The following ZNF385D variants were observed in gnomAD, a reference collection of about 807,000 sequenced individuals.
ZNF385D encodes the protein zinc finger protein 659.
A neutral mutation model predicts 35.8 loss-of-function variants in ZNF385D; 15 were observed. That is an observed-to-expected ratio of 0.42 (90% CI 0.28 to 0.64). ZNF385D has a LOEUF of 0.64. Among genes scored for constraint, ZNF385D ranks in the 30% least tolerant of loss-of-function variants. The pLI is 0.23. For missense variants in ZNF385D, 474 were observed against 494.6 expected (o/e 0.96, Z 0.39); for synonymous variants, 212 against 186.8 (o/e 1.13, Z -1.10).
intron 3 of ZNF385D, among the ~76,000 whole-genome samples, chr3:22,118,383 A>G (rs1049707400): frequency 3.3e-5 from 5 of 152,102 alleles, no homozygotes; most frequent in African/African-American, 1.2e-4. Context: ...AAATATAAAT[A>G]TAAGTAGAAA....
chr3:21,799,413 T>C (rs540040996), intron 3 of ZNF385D, among the ~76,000 whole-genome samples: 8 of 152,302 alleles, frequency 5.3e-5, no homozygotes, highest in Admixed American at 5.2e-4. Flanking sequence ...TTTCTCTACA[T>C]CCTCATTAAC....
chr3:21,902,885 G>A (rs1192036630), intron 3 of ZNF385D, among the ~76,000 whole-genome samples: 7 of 152,110 alleles, frequency 4.6e-5, no homozygotes, highest in Admixed American at 4.6e-4. Flanking sequence ...TTTAGTAGGA[G>A]TAACTGGCTG....
chr3:22,120,054 T>C (rs1226848276), intron 3 of ZNF385D, among the ~76,000 whole-genome samples: 1 of 151,270 alleles, frequency 6.6e-6, no homozygotes, highest in Non-Finnish European at 1.5e-5. Flanking sequence ...AGTCTTGAAG[T>C]CCTAGTCTCA....
intron 3 of ZNF385D, among the ~76,000 whole-genome samples, chr3:22,015,972 C>A (rs1190336015): frequency 2.0e-5 from 3 of 152,068 alleles, no homozygotes; most frequent in South Asian, 2.1e-4. Flanking sequence ...CTTTTGGGTA[C>A]AAACCAAAAG....
Position 22,168,950 on chromosome 3 carries a change from A to T in ZNF385D, c.192T>A (p.His64Gln), listed in dbSNP as rs569772625. The T allele has an allele frequency of 3.0e-6, 3 of 985,790 alleles. No homozygotes were observed. The South Asian group carries it at 1.4e-4, about 46-fold the overall frequency. The allele number at this position is 985,790 out of a possible 1,614,324, so 61.1% of individuals were successfully genotyped here. Residue 64 changes from histidine to glutamine, a missense_variant, in exon 3 of 6, where the codon CAT becomes CAA. Coordinates refer to the ZNF385D transcript ENST00000494108. ...ATACATTGCACAAAGTAAAGTTGGT[A>T]TGTTTCTTTTCTCTTTCTGGTTTTT...
chr3:22,078,488 A>G (rs1420877471), intron 3 of ZNF385D, among the ~76,000 whole-genome samples: 2 of 152,096 alleles, frequency 1.3e-5, no homozygotes, highest in South Asian at 4.1e-4. Context: ...AGGATATGGT[A>G]TTGAGACATT....
chr3:22,162,827 C>A (rs1432233231), intron 3 of ZNF385D, among the ~76,000 whole-genome samples: 1 of 152,114 alleles, frequency 6.6e-6, no homozygotes, highest in African/African-American at 2.4e-5. Flanking sequence ...GATGAACCTT[C>A]AGAGAGAGAG....
At chr3:22,184,412 C>G (rs766628226) in intron 2 of ZNF385D, among the ~76,000 whole-genome samples, 4 of 152,146 alleles carry the variant, frequency 2.6e-5, no homozygotes, top group African/African-American at 7.2e-5. Flanking sequence ...ATTTTCCTCT[C>G]ATTGTGGCAG....
intron 3 of ZNF385D, among the ~76,000 whole-genome samples, chr3:22,153,971 A>G (rs1351973444): frequency 1.3e-5 from 2 of 152,126 alleles, no homozygotes; most frequent in African/African-American, 4.8e-5. Context: ...ACATGTTCCC[A>G]TTTAGATAAC....
chr3:22,111,721 C>G (rs1702547016), intron 3 of ZNF385D, among the ~76,000 whole-genome samples: 1 of 152,098 alleles, frequency 6.6e-6, no homozygotes, highest in Admixed American at 6.6e-5. Flanking sequence ...GACATCGGAT[C>G]AAACTTTTAT....
At chr3:21,468,005 GAA>G (rs1326363276) in intron 4 of ZNF385D, among the ~76,000 whole-genome samples, 1 of 151,726 alleles carries the variant, frequency 6.6e-6, no homozygotes, top group Non-Finnish European at 1.5e-5. Flanking sequence ...AAATATCTTT[GAA>G]AAAAAGATTG....
chr3:21,961,971 C>A (rs1215221194), intron 3 of ZNF385D, among the ~76,000 whole-genome samples: 1 of 152,098 alleles, frequency 6.6e-6, no homozygotes, highest in Non-Finnish European at 1.5e-5. Context: ...GTTTTCAGGA[C>A]AGCACACAGG....
At chr3:21,973,470 C>G (rs1399949045) in intron 3 of ZNF385D, among the ~76,000 whole-genome samples, 1 of 151,852 alleles carries the variant, frequency 6.6e-6, no homozygotes, top group Non-Finnish European at 1.5e-5. Flanking sequence ...TCATATTGAA[C>G]AGGGAAAAAC....
At chr3:21,937,083 C>T (rs1028093343) in intron 3 of ZNF385D, among the ~76,000 whole-genome samples, 1 of 151,986 alleles carries the variant, frequency 6.6e-6, no homozygotes, top group Non-Finnish European at 1.5e-5. Flanking sequence ...AGAAGTTAGC[C>T]TCACAGCTGG....
intron 4 of ZNF385D, chr3:21,441,857 G>C (rs563690679): frequency 2.4e-6 from 1 of 411,928 alleles, no homozygotes; most frequent in South Asian, 1.0e-4. Flanking sequence ...TATGTGACAA[G>C]GAGTTAAAAA....
intron 3 of ZNF385D, among the ~76,000 whole-genome samples, chr3:22,035,436 C>T (rs1354496170): frequency 6.6e-6 from 1 of 152,140 alleles, no homozygotes; most frequent in Non-Finnish European, 1.5e-5. Context: ...AAATCCAATA[C>T]TTATCAGTTA....
chr3:21,805,062 G>A (rs1335641051), intron 3 of ZNF385D, among the ~76,000 whole-genome samples: 1 of 152,110 alleles, frequency 6.6e-6, no homozygotes, highest in Admixed American at 6.5e-5. Flanking sequence ...ACCACTAGGT[G>A]GGTTTCCGCT....
intron 2 of ZNF385D, among the ~76,000 whole-genome samples, chr3:22,213,887 G>C (rs1697684761): frequency 6.6e-6 from 1 of 152,052 alleles, no homozygotes; most frequent in African/African-American, 2.4e-5. Flanking sequence ...TTCTTAAGGA[G>C]AGAATTTACA....
chr3:21,606,406 G>A (rs2064485260), intron 2 of ZNF385D, among the ~76,000 whole-genome samples: 1 of 151,934 alleles, frequency 6.6e-6, no homozygotes, highest in African/African-American at 2.4e-5. Context: ...TTTCTTATTA[G>A]TGCCCTGACT....
Sources: gnomAD v4.1 joint callset for allele counts (sites outside exome capture counted in the v4.1 genomes callset) on GRCh38, gnomAD v4.1.1 for gene constraint, MANE v1.5 for transcripts, NCBI Gene and HGNC (gene_info 2026-07-23, HGNC 2026-07-21) for gene names.